KATNIP: variants seen among roughly 807,000 people sequenced by gnomAD.
KATNIP encodes the protein katanin interacting protein, also known as katanin-interacting protein.
Under a neutral mutation model 174.0 loss-of-function variants are expected in KATNIP, and 126 were observed. The ratio of observed to expected loss-of-function variants is 0.72; its 90% CI spans 0.63 to 0.84. The LOEUF is 0.84. Among genes scored for constraint, KATNIP ranks in the 40% least tolerant of loss-of-function variants. The probability of loss-of-function intolerance (pLI) is 0.00; values close to 1 mark genes in which losing one functional copy is unlikely to be tolerated. For missense variants in KATNIP, 1,958 were observed against 2,109.7 expected, an observed-to-expected ratio of 0.93 and a Z score of 1.41; for synonymous variants, 810 against 835.7, an observed-to-expected ratio of 0.97 and a Z score of 0.53.
At chr16:27,639,036 C>T (rs986169524) in intron 5 of KATNIP, among the ~76,000 whole-genome samples, 1 of 152,080 alleles carries the variant, frequency 6.6e-6, no homozygotes, top group African/African-American at 2.4e-5. Context: ...TTCACCGCCT[C>T]CAGGAGAACA....
chr16:27,608,386 A>ACACCCAGCTAATT (rs2075781355), intron 2 of KATNIP, among the ~76,000 whole-genome samples: 2 of 138,740 alleles, frequency 1.4e-5, no homozygotes. Context: ...GCACGCCACC[A>ACACCCAGCTAATT]TGACTGGTGA....
intron 9 of KATNIP, among the ~76,000 whole-genome samples, chr16:27,698,864 G>A (rs1258461142): frequency 6.6e-6 from 1 of 152,154 alleles, no homozygotes; most frequent in African/African-American, 2.4e-5. Context: ...TCTCATTCCC[G>A]AGCGTGGGCC....
chr16:27,769,724 A>G, intron 20 of KATNIP, 137 bp from the exon 21 acceptor site: 5 of 1,000,390 alleles, frequency 5.0e-6, no homozygotes, highest in Non-Finnish European at 7.5e-6. Flanking sequence ...GATATGGGAA[A>G]TGGACCTCGG....
chr16:27,559,971 ACT>A (rs2089796445), intron 1 of KATNIP, among the ~76,000 whole-genome samples: 1 of 151,458 alleles, frequency 6.6e-6, no homozygotes, highest in Admixed American at 6.6e-5. Context: ...ACAGAGCGAG[ACT>A]CTGTATAAAA....
chr16:27,761,309 T>C lies in KATNIP; in HGVS notation c.3632-104T>C, dbSNP rs1306444069. ...AAGGCACTTTGGGTCTGGGTTGAAG[T>C]TGCTAGAATATAGAGGCCGAATAGC... On this transcript the variant is annotated intron_variant, in intron 18 of 27. Coordinates refer to ENST00000261588, the MANE Select transcript of KATNIP (RefSeq NM_015202.5). 4 of 1,239,052 alleles carry C rather than the reference T, an allele frequency of 3.2e-6. No homozygotes were observed. The African/African-American group carries it at 6.1e-5, about 19-fold the overall frequency. The allele number at this position is 1,239,052 out of a possible 1,614,324, so 76.8% of individuals were successfully genotyped here.
In KATNIP at chr16:27,648,676, T is replaced by G. The variant is rs1210332636; in HGVS notation, c.481T>G (p.Phe161Val). Residue 161 changes from phenylalanine to valine, a missense_variant, in exon 6 of 28, where the codon TTT becomes GTT. Phe to Val is a conservative substitution (Grantham distance 50). Coordinates refer to ENST00000261588, the MANE Select transcript of KATNIP (RefSeq NM_015202.5). Reference sequence around the variant, plus strand: ...ACCTCCTGTGGACTATTCTGATGATTTTGAGCTGTGTGGGGATGTGACTCT... The same window carrying G: ...ACCTCCTGTGGACTATTCTGATGATGTTGAGCTGTGTGGGGATGTGACTCT... ...IEPPVDYSDD[F>V]ELCGDVTLQA... 4 of 1,614,166 alleles carry G rather than the reference T, an allele frequency of 2.5e-6. No individual in the cohort carries two copies. Among genetic ancestry groups the G allele is most frequent in the Non-Finnish European group, 2.5e-6 (3 of 1,180,014 alleles).
chr16:27,681,506 C>G lies in KATNIP; in HGVS notation c.916C>G (p.Pro306Ala), dbSNP rs908149828. 1.9e-6 allele frequency: 3 copies of G among 1,614,210 alleles called. No individual in the cohort carries two copies. In the African/African-American group the frequency reaches 4.0e-5, roughly 22 times the overall value. ...NLTPQAPAVF[P>A]DQERMCSRPG... ...GACTCCCCAAGCTCCTGCTGTATTC[C>G]CAGACCAGGAGAGGATGTGCTCCAG... Residue 306 changes from proline to alanine, a missense_variant, in exon 8 of 28, where the codon CCA (proline) becomes GCA (alanine). Pro to Ala is a conservative substitution (Grantham distance 27). Transcript: ENST00000261588.
intron 14 of KATNIP, among the ~76,000 whole-genome samples, chr16:27,737,026 G>A (rs1189001171): frequency 6.6e-6 from 1 of 152,198 alleles, no homozygotes; most frequent in African/African-American, 2.4e-5. Flanking sequence ...CCGCTCGAAT[G>A]ATGGACCCAT....
chr16:27,570,385 G>A (rs2090243402), intron 1 of KATNIP, among the ~76,000 whole-genome samples: 1 of 151,886 alleles, frequency 6.6e-6, no homozygotes, highest in Admixed American at 6.6e-5. Flanking sequence ...CCAACATGGT[G>A]AAACCCCATA....
intron 24 of KATNIP, among the ~76,000 whole-genome samples, chr16:27,775,462 A>C (rs1283594109): frequency 6.6e-6 from 1 of 152,038 alleles, no homozygotes; most frequent in Non-Finnish European, 1.5e-5. Context: ...CTCTCCGCAC[A>C]CTCACGGTTT....
At chr16:27,716,293 G>A (rs1377830660) in intron 13 of KATNIP, among the ~76,000 whole-genome samples, 1 of 152,190 alleles carries the variant, frequency 6.6e-6, no homozygotes, top group Admixed American at 6.5e-5. Context: ...ATTGCCAGGG[G>A]CTGGGAGGAA....
intron 2 of KATNIP, among the ~76,000 whole-genome samples, chr16:27,604,982 G>A (rs570707532): frequency 2.6e-5 from 4 of 152,338 alleles, no homozygotes; most frequent in African/African-American, 9.6e-5. Flanking sequence ...AGGCTGGAGT[G>A]CAGTGGCGTG....
intron 22 of KATNIP, 94 bp downstream of exon 22, chr16:27,771,746 T>A: frequency 7.6e-7 from 1 of 1,317,576 alleles, no homozygotes; most frequent in South Asian, 1.2e-5. Context: ...CGGCCACAGA[T>A]GAGGCAGCTG....
intron 14 of KATNIP, among the ~76,000 whole-genome samples, chr16:27,724,763 G>A (rs1455409738): frequency 6.6e-6 from 1 of 152,232 alleles, no homozygotes; most frequent in East Asian, 1.9e-4. Context: ...GTGTTTTAGA[G>A]GAGATAAAAT....
intron 2 of KATNIP, among the ~76,000 whole-genome samples, chr16:27,592,654 G>T (rs2075214003): frequency 6.6e-6 from 1 of 152,000 alleles, no homozygotes; most frequent in African/African-American, 2.4e-5. Context: ...GTGGACACAG[G>T]AGCATATACA....
At chr16:27,771,515 A>G (rs911173676) in intron 21 of KATNIP, 73 bp from the exon 22 acceptor site, 20 of 1,451,254 alleles carry the variant, frequency 1.4e-5, no homozygotes, top group Admixed American at 3.5e-5. Flanking sequence ...AAAGGCTGTT[A>G]CCTAGGGGGT....
chr16:27,714,708 AG>A (rs1243991149), intron 13 of KATNIP, among the ~76,000 whole-genome samples: 1 of 152,244 alleles, frequency 6.6e-6, no homozygotes, highest in Admixed American at 6.5e-5. Flanking sequence ...TGTTTACAGT[AG>A]CATCAAAAGA....
intron 20 of KATNIP, among the ~76,000 whole-genome samples, chr16:27,768,109 G>A (rs1157078846): frequency 2.0e-5 from 3 of 152,240 alleles, no homozygotes; most frequent in Admixed American, 6.5e-5. Flanking sequence ...GAATGGGCAC[G>A]TGGCCTGAGA....
intron 14 of KATNIP, among the ~76,000 whole-genome samples, chr16:27,733,169 T>G (rs569985928): frequency 6.6e-6 from 1 of 152,362 alleles, no homozygotes; most frequent in South Asian, 2.1e-4. Flanking sequence ...CCCACAGCTC[T>G]GCTTCACTGT....
Sources: allele counts gnomAD v4.1 joint callset (sites outside exome capture counted in the v4.1 genomes callset), GRCh38; gene constraint gnomAD v4.1.1; transcripts MANE v1.5; gene names NCBI Gene and HGNC (gene_info 2026-07-23, HGNC 2026-07-21).